The following SHMT1 variants were observed in gnomAD, a reference collection of about 807,000 sequenced individuals.
SHMT1 encodes serine hydroxymethyltransferase, cytosolic.
SHMT1 carries 45 observed loss-of-function variants against 49.0 expected under a neutral mutation model. The observed-to-expected ratio is 0.92, with a 90% CI of 0.72 to 1.18. The LOEUF is 1.18. SHMT1 is among the 50% of genes most tolerant of loss of function. SHMT1 has a pLI of 0.00. For synonymous variants in SHMT1, 232 were observed against 246.6 expected (o/e 0.94, Z 0.55); for missense variants, 541 against 612.4 (o/e 0.88, Z 1.23).
intron 7 of SHMT1, among the ~76,000 whole-genome samples, chr17:18,339,185 G>A (rs1984205701): frequency 6.6e-6 from 1 of 151,912 alleles, no homozygotes; most frequent in South Asian, 2.1e-4. Flanking sequence ...GGCTTTCCCA[G>A]GTATGGGAAT....
At position 18,333,151 on chromosome 17, in the gene SHMT1, C is replaced by T. The variant is rs746069334; in HGVS notation, c.1054+15G>A. The T allele has an allele frequency of 1.9e-6, 3 of 1,613,896 alleles. No homozygotes were observed. The highest frequency in any genetic ancestry group is 3.3e-5 in the Admixed American group (2 of 60,022). On this transcript the variant is annotated intron_variant, in intron 9 of 11. Transcript: ENST00000316694. ...CCACAAGAACAGGCCTGCTGAACACCATCTGTGTCTCTACCTGTGACTATT... is the reference window on the plus strand; with the variant it reads ...CCACAAGAACAGGCCTGCTGAACACTATCTGTGTCTCTACCTGTGACTATT...
rs558723951 is a variant in SHMT1 at position 18,347,547 on chromosome 17, G to C, written c.468C>G (p.Asp156Glu). The C allele has an allele frequency of 6.8e-5, 109 of 1,614,172 alleles. 1 individual carries two copies. The South Asian group carries it at 1.1e-3, about 16-fold the overall frequency. Residue 156 changes from aspartate (D) to glutamate (E), a missense_variant, in exon 5 of 12, where the codon GAC (aspartate) becomes GAG (glutamate). By Grantham distance (45) the Asp-to-Glu change is conservative. Coordinates refer to ENST00000316694, the MANE Select transcript of SHMT1 (RefSeq NM_004169.5). ...TGGACGTGGCAGAGATTTTCTTCTT[G>C]TCTGTCATGAACCCATGGGTCAGGT... ...GGHLTHGFMT[D>E]KKKISATSIF...
intron 3 of SHMT1, among the ~76,000 whole-genome samples, chr17:18,352,006 G>C (rs1598056383): frequency 6.6e-6 from 1 of 151,908 alleles, no homozygotes; most frequent in African/African-American, 2.4e-5. Flanking sequence ...CACCATGTCC[G>C]GCTAATTTTT....
intron 5 of SHMT1, among the ~76,000 whole-genome samples, chr17:18,342,567 A>G (rs1483909238): frequency 6.6e-6 from 1 of 150,828 alleles, no homozygotes; most frequent in Non-Finnish European, 1.5e-5. Context: ...TCCTACCTCG[A>G]CCTCCCAAAG....
At position 18,340,181 on chromosome 17, in the gene SHMT1, T is replaced by C. The variant is rs1598031946; in HGVS notation, c.676A>G (p.Met226Val). ...KIADENGAYL[M>V]ADMAHISGLV... ...CCGCTGATGTGAGCCATGTCCGCCATGAGATACGCCCCGTTCTCATCTGCA... is the reference window on the plus strand; with the variant it reads ...CCGCTGATGTGAGCCATGTCCGCCACGAGATACGCCCCGTTCTCATCTGCA... Residue 226 changes from methionine to valine, a missense_variant, in exon 7 of 12, where the codon ATG becomes GTG. Transcript: ENST00000316694. The surrounding 1 kb of genome is among the most constrained non-coding windows in gnomAD (Gnocchi z 4.5). 2 of 1,600,520 alleles carry C rather than the reference T, an allele frequency of 1.2e-6. No individual in the cohort carries two copies. Among genetic ancestry groups the C allele is most frequent in the African/African-American group, 1.3e-5 (1 of 74,744 alleles).
intron 3 of SHMT1, among the ~76,000 whole-genome samples, chr17:18,351,438 G>A (rs912601924): frequency 1.1e-4 from 17 of 149,052 alleles, no homozygotes; most frequent in African/African-American, 4.2e-4. Flanking sequence ...GAGCCACCAC[G>A]CCCAGCCAAT....
intron 9 of SHMT1, chr17:18,331,258 G>GATCTACA: frequency 4.9e-6 from 1 of 204,826 alleles, no homozygotes; most frequent in Non-Finnish European, 1.0e-5. Context: ...TGCCTTGGGT[G>GATCTACA]CTGACAGCAC....
At position 18,348,539 on chromosome 17, in the gene SHMT1, G is replaced by C. The variant is rs548367318; in HGVS notation, c.243-99C>G. On this transcript the variant is annotated intron_variant, in intron 3 of 11. Transcript: ENST00000316694. ...TTAGGGGTGGGACAGTGAAACTAAA[G>C]TGGAGAGAAGTAATGAGAAGAGCTT... 14 of 834,710 alleles carry C rather than the reference G, an allele frequency of 1.7e-5. No homozygotes were observed. The East Asian group carries it at 3.4e-4, about 20-fold the overall frequency. 51.7% of individuals were successfully genotyped at this position (834,710 alleles called of 1,614,324 possible). A position where few individuals can be genotyped will look rare whatever the true frequency, so the allele number is the denominator to read the frequency against.
chr17:18,329,221 A>G, intron 11 of SHMT1, 57 bp downstream of exon 11: 1 of 1,288,470 alleles, frequency 7.8e-7, no homozygotes, highest in Non-Finnish European at 1.1e-6. Context: ...TACTCATCAC[A>G]ATCAGAAACT....
At chr17:18,343,631 A>G (rs865810090) in intron 5 of SHMT1, among the ~76,000 whole-genome samples, 29 of 121,130 alleles carry the variant, frequency 2.4e-4, no homozygotes, top group Admixed American at 8.4e-4. Context: ...AAAAAAAAAA[A>G]GGGGTCAGCC....
At chr17:18,331,692 C>G (rs920955523) in intron 9 of SHMT1, 1 of 152,270 alleles carries the variant, frequency 6.6e-6, no homozygotes, top group African/African-American at 2.4e-5. Flanking sequence ...CAGCATCACC[C>G]AAGGCCTGGT....
At chr17:18,332,673 T>A (rs1432773225) in intron 9 of SHMT1, 1 of 206,742 alleles carries the variant, frequency 4.8e-6, no homozygotes, top group Non-Finnish European at 1.0e-5. Context: ...GCCCATCAGC[T>A]CCAGAATGTA....
chr17:18,342,196 A>G (rs186887308), intron 5 of SHMT1, among the ~76,000 whole-genome samples: 2 of 152,336 alleles, frequency 1.3e-5, no homozygotes, highest in East Asian at 3.9e-4. Context: ...ACATATATAT[A>G]TAAACAATGT....
chr17:18,352,508 G>T (rs1188673479), intron 3 of SHMT1, among the ~76,000 whole-genome samples: 1 of 151,838 alleles, frequency 6.6e-6, no homozygotes, highest in African/African-American at 2.4e-5. Flanking sequence ...AGAATCGAAT[G>T]AAATATTAGT....
At position 18,340,415 on chromosome 17, in the gene SHMT1, G is replaced by A; in HGVS notation, c.602-160C>T. 2 of 799,784 alleles carry A rather than the reference G, an allele frequency of 2.5e-6. No homozygotes were observed. Among genetic ancestry groups the A allele is most frequent in the Admixed American group, 2.0e-5 (1 of 49,214 alleles). 49.5% of individuals were successfully genotyped at this position (799,784 alleles called of 1,614,324 possible). On this transcript the variant is annotated intron_variant, in intron 6 of 11. Transcript: ENST00000316694. This position sits in a 1 kb window ranked among gnomAD's most constrained non-coding sequence, Gnocchi z 4.5. ...GAATGCCCTCAAAAAGCACCTCTGT[G>A]CTAAAGGCAACCACTCTAACTCTTC...
At chr17:18,333,454 T>A (rs183553731) in intron 8 of SHMT1, 166 bp from the exon 9 acceptor site, 85 of 366,826 alleles carry the variant, frequency 2.3e-4, no homozygotes, top group East Asian at 1.2e-3. Context: ...TTTAAAAATT[T>A]TTTATTATTT....
chr17:18,356,166 C>A (rs1164787757), intron 1 of SHMT1, among the ~76,000 whole-genome samples, 166 bp from the exon 2 acceptor site: 1 of 152,098 alleles, frequency 6.6e-6, no homozygotes, highest in Admixed American at 6.6e-5. Flanking sequence ...GATTCTCCTG[C>A]CTCAATCTTC....
In SHMT1 at chr17:18,330,402, C is replaced by T. The variant is rs1293492048; in HGVS notation, c.1171+153G>A. Among the ~76,000 whole-genome samples, 3 of 151,186 alleles carry T rather than the reference C, an allele frequency of 2.0e-5. No individual in the cohort carries two copies. In the East Asian group the frequency reaches 5.8e-4, roughly 29 times the overall value. On this transcript the variant is annotated intron_variant, in intron 10 of 11. Transcript: ENST00000316694. The stretch of plus-strand genomic sequence containing the variant: ...CCGCCTGCCTCGGCCTCCCAAAGTG[C>T]CGGGATTACAGGCGTGAGCCACCGT...
chr17:18,337,040 TA>T lies in SHMT1; in HGVS notation c.815-1366del, dbSNP rs1432875410. On this transcript the variant is annotated intron_variant, in intron 7 of 11. Coordinates refer to ENST00000316694, the MANE Select transcript of SHMT1 (RefSeq NM_004169.5). ...ATAAGGTTCCTTTCTGAGAAAAAGT[TA>T]ACCATCAATAATAGCTACTATTCAG... is the stretch of plus-strand genomic sequence containing the variant. Among the ~76,000 whole-genome samples, 15 of 151,806 alleles carry T rather than the reference TA, an allele frequency of 9.9e-5. 1 individual carries two copies. Among genetic ancestry groups the T allele is most frequent in the Non-Finnish European group, 1.9e-4 (13 of 67,992 alleles).
Sources: allele counts gnomAD v4.1 joint callset (sites outside exome capture counted in the v4.1 genomes callset), GRCh38; gene constraint gnomAD v4.1.1; non-coding constraint Gnocchi (gnomAD v3.1); transcripts MANE v1.5; gene names NCBI Gene and HGNC (gene_info 2026-07-23, HGNC 2026-07-21).